Variants in MCC observed in about 807,000 individuals in gnomAD.
MCC encodes the protein MCC regulator of Wnt signaling pathway, also known as colorectal mutant cancer protein.
Under a neutral mutation model 116.2 loss-of-function variants are expected in MCC, and 90 were observed. That is an observed-to-expected ratio of 0.77 (90% CI 0.65 to 0.92). MCC has a LOEUF of 0.92. Ranked by LOEUF, MCC falls within the 40% of genes least tolerant of loss-of-function variation. The probability of loss-of-function intolerance (pLI) is 0.00; values close to 1 mark genes in which losing one functional copy is unlikely to be tolerated. For missense variants in MCC, 1,516 were observed against 1,312.2 expected (o/e 1.16, Z -2.40); for synonymous variants, 578 against 510.5 (o/e 1.13, Z -1.78).
At chr5:113,146,580 C>G (rs1759535530) in intron 4 of MCC, among the ~76,000 whole-genome samples, 1 of 152,030 alleles carries the variant, frequency 6.6e-6, no homozygotes, top group Non-Finnish European at 1.5e-5. Flanking sequence ...GAAAAAGAGA[C>G]ACAAGGGGGT....
intron 11 of MCC, among the ~76,000 whole-genome samples, chr5:113,078,821 G>T (rs1377977949): frequency 6.6e-6 from 1 of 152,142 alleles, no homozygotes; most frequent in African/African-American, 2.4e-5. Context: ...CAATGAGGCA[G>T]GAGAAAGAAA....
chr5:113,378,756 A>C (rs1769042547), intron 2 of MCC, among the ~76,000 whole-genome samples: 1 of 152,226 alleles, frequency 6.6e-6, no homozygotes, highest in Non-Finnish European at 1.5e-5. Context: ...ACACAAGTAC[A>C]TGGAATCCAT....
At chr5:113,029,869 T>C (rs187031259) in intron 17 of MCC, among the ~76,000 whole-genome samples, 1 of 152,320 alleles carries the variant, frequency 6.6e-6, no homozygotes. Context: ...TATGTCACCG[T>C]ATTACGTGCT....
At chr5:113,290,677 C>A (rs1766458784) in intron 3 of MCC, among the ~76,000 whole-genome samples, 1 of 152,196 alleles carries the variant, frequency 6.6e-6, no homozygotes, top group South Asian at 2.1e-4. Flanking sequence ...GAGCTAACTG[C>A]TGATCTAAAA....
chr5:113,247,838 A>T (rs769506313), intron 3 of MCC, among the ~76,000 whole-genome samples: 2 of 152,206 alleles, frequency 1.3e-5, no homozygotes, highest in Non-Finnish European at 2.9e-5. Flanking sequence ...GATAGACGGC[A>T]GCAGGGGAGT....
In MCC at chr5:113,027,321, G is replaced by A. The variant is rs1396828402; in HGVS notation, c.3041C>T (p.Thr1014Ile). The change falls in exon 19 of 19, where the codon ACC becomes ATC. Residue 1014 changes from threonine (T) to isoleucine (I), a missense_variant. By Grantham distance (89) the Thr-to-Ile change is moderately conservative (BLOSUM62 -1). Coordinates refer to ENST00000408903, the MANE Select transcript of MCC (RefSeq NM_001085377.2). ...TGCTGATTAAAGCGAAGTTTCATTG[G>A]TGTGTGGCCTGGAGTTCTCCTCCTC... is the stretch of plus-strand genomic sequence containing the variant. ...LLEEENSRPH[T>I]NETSL 4 of 1,614,038 alleles carry A rather than the reference G, an allele frequency of 2.5e-6. No individual in the cohort carries two copies. Among genetic ancestry groups the A allele is most frequent in the Non-Finnish European group, 3.4e-6 (4 of 1,179,996 alleles).
At chr5:113,036,129 T>C (rs1751318733) in intron 17 of MCC, among the ~76,000 whole-genome samples, 1 of 145,770 alleles carries the variant, frequency 6.9e-6, no homozygotes, top group Non-Finnish European at 1.5e-5. Context: ...CTCCAACCCC[T>C]AGGGTTCAAG....
At chr5:113,373,913 T>G (rs1029132594) in intron 2 of MCC, among the ~76,000 whole-genome samples, 36 of 152,060 alleles carry the variant, frequency 2.4e-4, no homozygotes, top group African/African-American at 5.3e-4. Flanking sequence ...TTTTGTTTTT[T>G]TTTTTTGAGA....
chr5:113,441,437 A>T (rs1458405139), intron 1 of MCC, among the ~76,000 whole-genome samples: 5 of 152,232 alleles, frequency 3.3e-5, no homozygotes. Context: ...ATAAAGAGCT[A>T]GGTAATAAAT....
intron 9 of MCC, 108 bp downstream of exon 9, chr5:113,085,056 T>G: frequency 1.3e-6 from 2 of 1,489,236 alleles, no homozygotes; most frequent in Non-Finnish European, 1.9e-6. Flanking sequence ...GGGAAGCCCC[T>G]TGTGCTGTCT....
At position 113,272,831 on chromosome 5, in the gene MCC, CCTTTA is replaced by C. The variant is rs1255095073; in HGVS notation, c.627+67683_627+67687del. Among the ~76,000 whole-genome samples, 5 of 152,166 alleles carry C rather than the reference CCTTTA, an allele frequency of 3.3e-5. No homozygotes were observed. In the South Asian group the frequency reaches 1.0e-3, roughly 32 times the overall value. ...TCTGCTATCGTATCTGGCAAGGTTCCCTTTACTTTGCTGTCCTTCAGTCATTTAAA... is the reference window on the plus strand; with the variant it reads ...TCTGCTATCGTATCTGGCAAGGTTCCCTTTGCTGTCCTTCAGTCATTTAAA... On this transcript the variant is annotated intron_variant, in intron 3 of 18. Coordinates refer to ENST00000408903, the MANE Select transcript of MCC (RefSeq NM_001085377.2).
chr5:113,476,889 T>A (rs561336436), intron 1 of MCC, among the ~76,000 whole-genome samples: 1 of 152,232 alleles, frequency 6.6e-6, no homozygotes, highest in African/African-American at 2.4e-5. Flanking sequence ...GGGTTAATTA[T>A]GTAGTACGTC....
At chr5:113,227,022 A>C (rs1219712892) in intron 3 of MCC, among the ~76,000 whole-genome samples, 3 of 152,242 alleles carry the variant, frequency 2.0e-5, no homozygotes, top group Non-Finnish European at 4.4e-5. Flanking sequence ...AAGGCAATGC[A>C]GTTATGACAG....
At chr5:113,088,870 A>G (rs1446581617) in intron 8 of MCC, among the ~76,000 whole-genome samples, 1 of 152,122 alleles carries the variant, frequency 6.6e-6, no homozygotes, top group African/African-American at 2.4e-5. Flanking sequence ...GCTGGCCTCA[A>G]TCTCATGGGC....
chr5:113,375,758 T>C (rs1043190761), intron 2 of MCC, among the ~76,000 whole-genome samples: 3 of 152,194 alleles, frequency 2.0e-5, no homozygotes, highest in Admixed American at 2.0e-4. Flanking sequence ...AAGACATGAA[T>C]GAAGAAGCTG....
At chr5:113,031,994 G>A (rs1241446126) in intron 17 of MCC, among the ~76,000 whole-genome samples, 1 of 152,164 alleles carries the variant, frequency 6.6e-6, no homozygotes, top group Non-Finnish European at 1.5e-5. Flanking sequence ...GAACTATGAT[G>A]CTCATTTATT....
intron 8 of MCC, among the ~76,000 whole-genome samples, chr5:113,093,926 C>T (rs562216617): frequency 6.6e-6 from 1 of 152,274 alleles, no homozygotes; most frequent in South Asian, 2.1e-4. Context: ...TTCATAATTT[C>T]ACTGTGTAAT....
intron 3 of MCC, among the ~76,000 whole-genome samples, chr5:113,190,686 C>T (rs981384725): frequency 6.6e-6 from 1 of 152,078 alleles, no homozygotes; most frequent in Non-Finnish European, 1.5e-5. Flanking sequence ...ACAGAGATAT[C>T]CGAATGGTTT....
At chr5:113,075,322 C>T (rs988160306) in intron 11 of MCC, among the ~76,000 whole-genome samples, 1 of 152,242 alleles carries the variant, frequency 6.6e-6, no homozygotes, top group African/African-American at 2.4e-5. Flanking sequence ...CCCCCCTCAC[C>T]CCCTGTGGGT....
Sources: gnomAD v4.1 joint callset for allele counts (sites outside exome capture counted in the v4.1 genomes callset) on GRCh38, gnomAD v4.1.1 for gene constraint, MANE v1.5 for transcripts, NCBI Gene and HGNC (gene_info 2026-07-23, HGNC 2026-07-21) for gene names.